The following LMCD1 variants were observed in gnomAD, a reference collection of about 807,000 sequenced individuals.
LMCD1 encodes LIM and cysteine-rich domains protein 1.
A neutral mutation model predicts 42.7 loss-of-function variants in LMCD1; 32 were observed. That is an observed-to-expected ratio of 0.75 (90% CI 0.57 to 1.01). The LOEUF (loss-of-function observed/expected upper bound fraction) is 1.01, where lower values mean the gene tolerates loss of function less well. Among genes scored for constraint, LMCD1 ranks in the 50% least tolerant of loss-of-function variants. The pLI, the probability that LMCD1 is intolerant of heterozygous loss-of-function variation, is 0.00. For synonymous variants in LMCD1, 178 were observed against 184.9 expected (o/e 0.96, Z 0.30); for missense variants, 458 against 483.1 (o/e 0.95, Z 0.49).
chr3:8,533,828 C>G (rs931593443), intron 2 of LMCD1, among the ~76,000 whole-genome samples: 1 of 151,994 alleles, frequency 6.6e-6, no homozygotes, highest in Non-Finnish European at 1.5e-5. Context: ...TGCTCCTAAT[C>G]GTTCTGCAGT....
At chr3:8,518,211 G>A (rs1370049955) in intron 1 of LMCD1, among the ~76,000 whole-genome samples, 1 of 152,204 alleles carries the variant, frequency 6.6e-6, no homozygotes, top group Non-Finnish European at 1.5e-5. Context: ...AGTGGATCAA[G>A]GGATATTCCA....
chr3:8,503,177 T>C (rs1322991793), intron 1 of LMCD1, among the ~76,000 whole-genome samples: 3 of 152,208 alleles, frequency 2.0e-5, no homozygotes, highest in Non-Finnish European at 2.9e-5. Flanking sequence ...CTTCCTTAAA[T>C]ATCTGCCATT....
chr3:8,536,883 A>G (rs1391943606), intron 2 of LMCD1, among the ~76,000 whole-genome samples: 1 of 152,252 alleles, frequency 6.6e-6, no homozygotes. Context: ...GCTTTAGAGC[A>G]TCTCTGATGA....
chr3:8,521,796 G>A (rs1217233988), intron 1 of LMCD1, among the ~76,000 whole-genome samples: 3 of 152,128 alleles, frequency 2.0e-5, no homozygotes, highest in African/African-American at 4.8e-5. Flanking sequence ...AGACAGTGCT[G>A]GTAGATTCGG....
At chr3:8,559,958 C>T (rs193177131) in intron 4 of LMCD1, among the ~76,000 whole-genome samples, 18 of 152,348 alleles carry the variant, frequency 1.2e-4, no homozygotes, top group South Asian at 6.2e-4. Flanking sequence ...AAGAAATGCT[C>T]CTCCAAGAGG....
At chr3:8,551,080 T>A in intron 4 of LMCD1, 3 of 985,426 alleles carry the variant, frequency 3.0e-6, no homozygotes, top group Non-Finnish European at 3.6e-6. Flanking sequence ...AAAGGAAGCC[T>A]TTATTGGTTG....
At chr3:8,541,091 G>T (rs1428394177) in intron 3 of LMCD1, among the ~76,000 whole-genome samples, 2 of 152,204 alleles carry the variant, frequency 1.3e-5, no homozygotes, top group Non-Finnish European at 2.9e-5. Context: ...AGGGTCTCCG[G>T]ATTCCAGAGC....
At chr3:8,520,982 T>C (rs1284227909) in intron 1 of LMCD1, among the ~76,000 whole-genome samples, 4 of 152,234 alleles carry the variant, frequency 2.6e-5, no homozygotes, top group Non-Finnish European at 5.9e-5. Flanking sequence ...TTGGCTGTTT[T>C]CTCAGTCTGC....
chr3:8,560,219 G>A (rs933328429), intron 4 of LMCD1, among the ~76,000 whole-genome samples: 1 of 140,650 alleles, frequency 7.1e-6, no homozygotes, highest in Non-Finnish European at 1.6e-5. Context: ...GCGTAACATA[G>A]TGGGACCCCA....
intron 1 of LMCD1, among the ~76,000 whole-genome samples, chr3:8,522,935 A>T (rs1694234614): frequency 6.6e-6 from 1 of 152,236 alleles, no homozygotes; most frequent in Non-Finnish European, 1.5e-5. Flanking sequence ...AGATAAATCC[A>T]TCTGACTCTT....
chr3:8,555,716 CTTTTTTTTTTTTT>C (rs35525213), intron 4 of LMCD1, among the ~76,000 whole-genome samples: 2 of 63,268 alleles, frequency 3.2e-5, no homozygotes, highest in African/African-American at 7.4e-5. Flanking sequence ...CTTCAACGAG[CTTTTTTTTTTTTT>C]TTTTTTTTTT....
In LMCD1 at chr3:8,565,549, C is replaced by T. The variant is rs748457044; in HGVS notation, c.841C>T (p.Pro281Ser). 4 of 1,614,194 alleles carry T rather than the reference C, an allele frequency of 2.5e-6. No homozygotes were observed. Among genetic ancestry groups the T allele is most frequent in the East Asian group, 4.5e-5 (2 of 44,874 alleles). Reference protein sequence around the residue: ...TCFVCAKCSEPLVDLIYFWKD... With the variant: ...TCFVCAKCSESLVDLIYFWKD... ...CTTTGTGTGTGCCAAGTGCTCCGAG[C>T]CGCTGGTGGACCTCATCTACTTCTG... is the stretch of plus-strand genomic sequence containing the variant. Residue 281 changes from proline (P) to serine (S), a missense_variant, in exon 5 of 6, where the codon CCG becomes TCG. Pro to Ser is a moderately conservative substitution (Grantham distance 74). Transcript: ENST00000157600.
intron 3 of LMCD1, among the ~76,000 whole-genome samples, chr3:8,546,318 A>G (rs1042694928): frequency 5.9e-5 from 9 of 152,210 alleles, no homozygotes; most frequent in Admixed American, 4.6e-4. Flanking sequence ...AAGAATGTTT[A>G]TGAATTTTTT....
At chr3:8,563,652 A>G (rs1011744849) in intron 4 of LMCD1, among the ~76,000 whole-genome samples, 2 of 152,246 alleles carry the variant, frequency 1.3e-5, no homozygotes, top group African/African-American at 2.4e-5. Flanking sequence ...TTATGTAGAT[A>G]CTTGGCCCTG....
intron 1 of LMCD1, among the ~76,000 whole-genome samples, chr3:8,511,096 T>G (rs1440919568): frequency 6.6e-6 from 1 of 152,254 alleles, no homozygotes; most frequent in African/African-American, 2.4e-5. Context: ...ATATTAGTTC[T>G]GAGCCTTAGT....
intron 2 of LMCD1, among the ~76,000 whole-genome samples, chr3:8,534,034 A>G (rs1395438338): frequency 6.6e-6 from 1 of 151,636 alleles, no homozygotes; most frequent in African/African-American, 2.4e-5. Context: ...CACTTACTAT[A>G]TTTTGGCCAT....
At chr3:8,567,234 G>A (rs171408) in intron 5 of LMCD1, among the ~76,000 whole-genome samples, 112,033 of 152,004 alleles carry the variant, frequency 0.74, 41,665 homozygotes, top group Admixed American at 0.79. Flanking sequence ...TTTTTATTCC[G>A]TCTGAGAAGC....
chr3:8,515,105 A>G lies in LMCD1; in HGVS notation c.42+13125A>G, dbSNP rs1559345496. 7 of 438,060 alleles carry G rather than the reference A, an allele frequency of 1.6e-5. No homozygotes were observed. In the East Asian group the frequency reaches 4.2e-4, roughly 26 times the overall value. The allele number at this position is 438,060 out of a possible 1,614,324, so 27.1% of individuals were successfully genotyped here. On this transcript the variant is annotated intron_variant, in intron 1 of 5. Coordinates refer to ENST00000157600, the MANE Select transcript of LMCD1 (RefSeq NM_014583.4). ...AGATTAATGTGAGGCCAAAGCATGG[A>G]AAGTGAGTTCCTGCTGCAGCCCCCT...
At chr3:8,536,201 C>T (rs1403113149) in intron 2 of LMCD1, among the ~76,000 whole-genome samples, 1 of 152,336 alleles carries the variant, frequency 6.6e-6, no homozygotes, top group South Asian at 2.1e-4. Context: ...TTGGCCTTGA[C>T]ATTGCTCACT....
Sources: gnomAD v4.1 joint callset for allele counts (sites outside exome capture counted in the v4.1 genomes callset) on GRCh38, gnomAD v4.1.1 for gene constraint, MANE v1.5 for transcripts, NCBI Gene and HGNC (gene_info 2026-07-23, HGNC 2026-07-21) for gene names.